The following STXBP6 variants were observed in gnomAD, a reference collection of about 807,000 sequenced individuals.
STXBP6 encodes syntaxin-binding protein 6.
In STXBP6, 21 loss-of-function variants were observed where a neutral mutation model predicts 26.9. The observed-to-expected ratio is 0.78, with a 90% CI of 0.55 to 1.12. The LOEUF is 1.12. STXBP6 is among the 50% of genes most tolerant of loss of function. The pLI is 0.00. For synonymous variants in STXBP6, 97 were observed against 92.6 expected, an observed-to-expected ratio of 1.05 and a Z score of -0.27; for missense variants, 232 against 257.9, an observed-to-expected ratio of 0.90 and a Z score of 0.69.
chr14:24,866,702 G>A (rs760244978), intron 2 of STXBP6, among the ~76,000 whole-genome samples: 3 of 151,566 alleles, frequency 2.0e-5, no homozygotes, highest in Non-Finnish European at 4.4e-5. Flanking sequence ...ACTTAATGTT[G>A]TTAAGATGGC....
At chr14:25,010,075 T>C (rs188994663) in intron 1 of STXBP6, among the ~76,000 whole-genome samples, 133 of 152,338 alleles carry the variant, frequency 8.7e-4, no homozygotes, top group African/African-American at 3.1e-3. Context: ...TCATTCCTCT[T>C]TGGGAATCAC....
At chr14:24,972,076 T>A in intron 2 of STXBP6, among the ~76,000 whole-genome samples, 1 of 152,212 alleles carries the variant, frequency 6.6e-6, no homozygotes, top group East Asian at 1.9e-4. Context: ...TGCAAAAATC[T>A]TGGGTGTCAA....
At chr14:24,869,007 T>C (rs2069827612) in intron 2 of STXBP6, among the ~76,000 whole-genome samples, 1 of 152,246 alleles carries the variant, frequency 6.6e-6, no homozygotes, top group African/African-American at 2.4e-5. Flanking sequence ...ATGTGCTATC[T>C]CATCTATCAG....
At chr14:24,873,364 GGA>G (rs2070012653) in intron 2 of STXBP6, among the ~76,000 whole-genome samples, 1 of 152,128 alleles carries the variant, frequency 6.6e-6, no homozygotes, top group Non-Finnish European at 1.5e-5. Flanking sequence ...AGAAGAGCCA[GGA>G]CAGTTTTCAG....
At chr14:24,942,834 C>T (rs568121471) in intron 2 of STXBP6, among the ~76,000 whole-genome samples, 15 of 152,256 alleles carry the variant, frequency 9.9e-5, no homozygotes, top group East Asian at 7.7e-4. Context: ...AAACTGATAG[C>T]TATGTAGCAG....
chr14:24,947,916 A>G (rs1181567110), intron 2 of STXBP6, among the ~76,000 whole-genome samples: 2 of 152,192 alleles, frequency 1.3e-5, no homozygotes, highest in Non-Finnish European at 2.9e-5. Flanking sequence ...TTCTACACAG[A>G]TTGATTTCTG....
At chr14:24,944,421 C>A (rs1392452283) in intron 2 of STXBP6, among the ~76,000 whole-genome samples, 2 of 152,134 alleles carry the variant, frequency 1.3e-5, no homozygotes, top group African/African-American at 4.8e-5. Context: ...GCCCTTACCC[C>A]ATCAGACACA....
intron 2 of STXBP6, among the ~76,000 whole-genome samples, chr14:24,906,622 A>G (rs2071394758): frequency 6.6e-6 from 1 of 152,226 alleles, no homozygotes; most frequent in Admixed American, 6.5e-5. Flanking sequence ...AGAATGCGAC[A>G]TGCATAACAA....
At position 24,886,561 on chromosome 14, in the gene STXBP6, T is replaced by C. The variant is rs563065319; in HGVS notation, c.155-29404A>G. ...CTACAATTCAGATGACATGTTCTTG[T>C]TATTTTATTCTGGAATTTGGTAGTA... On this transcript the variant is annotated intron_variant, in intron 2 of 5. Coordinates refer to ENST00000323944, the MANE Select transcript of STXBP6 (RefSeq NM_001394410.1). Among the ~76,000 whole-genome samples, 200 of 152,324 alleles carry C rather than the reference T, an allele frequency of 1.3e-3. 1 individual carries two copies. The highest frequency in any genetic ancestry group is 2.3e-3 in the Non-Finnish European group (157 of 68,026).
chr14:24,902,319 T>C (rs8018441), intron 2 of STXBP6, among the ~76,000 whole-genome samples: 21,666 of 152,112 alleles, frequency 0.14, 2,246 homozygotes, highest in African/African-American at 0.29. Flanking sequence ...GCTGTAGTAA[T>C]ATTTGCCATA....
intron 4 of STXBP6, among the ~76,000 whole-genome samples, chr14:24,835,701 A>G (rs2138962154): frequency 6.6e-6 from 1 of 152,354 alleles, no homozygotes; most frequent in Admixed American, 6.5e-5. Flanking sequence ...ATCAAGTCTA[A>G]TTTTGTGGTT....
At chr14:24,983,705 A>G (rs1293265046) in intron 1 of STXBP6, among the ~76,000 whole-genome samples, 1 of 152,230 alleles carries the variant, frequency 6.6e-6, no homozygotes, top group East Asian at 1.9e-4. Flanking sequence ...TCCAGCAAGC[A>G]TAACATGAGC....
At chr14:24,817,053 G>C (rs1184070737) in intron 5 of STXBP6, 2 of 152,162 alleles carry the variant, frequency 1.3e-5, no homozygotes, top group Non-Finnish European at 2.9e-5. Context: ...ATAAAGAATA[G>C]TGCTCTATTC....
chr14:24,994,355 G>A (rs2074547100), intron 1 of STXBP6, among the ~76,000 whole-genome samples: 1 of 152,064 alleles, frequency 6.6e-6, no homozygotes. Context: ...GTTTGATAAG[G>A]CTCTCAGGGT....
At chr14:24,954,993 T>A (rs1316838905) in intron 2 of STXBP6, among the ~76,000 whole-genome samples, 2 of 152,202 alleles carry the variant, frequency 1.3e-5, no homozygotes, top group Admixed American at 6.5e-5. Context: ...GGAGGTAACA[T>A]GCATCCATGC....
At chr14:24,980,028 G>C (rs1357687798) in intron 1 of STXBP6, among the ~76,000 whole-genome samples, 1 of 152,130 alleles carries the variant, frequency 6.6e-6, no homozygotes, top group Non-Finnish European at 1.5e-5. Context: ...AGACAATTTT[G>C]TAAATGTTAA....
chr14:24,913,515 C>T (rs979152683), intron 2 of STXBP6, among the ~76,000 whole-genome samples: 2 of 152,030 alleles, frequency 1.3e-5, no homozygotes, highest in African/African-American at 4.8e-5. Flanking sequence ...ACAACAACAA[C>T]AAAGAATGGG....
chr14:25,007,775 G>C (rs549733324), intron 1 of STXBP6, among the ~76,000 whole-genome samples: 2 of 152,172 alleles, frequency 1.3e-5, no homozygotes, highest in African/African-American at 4.8e-5. Context: ...AATTATTCCT[G>C]CAAAGTTCCA....
chr14:24,934,146 C>T (rs572531356), intron 2 of STXBP6, among the ~76,000 whole-genome samples: 1 of 152,110 alleles, frequency 6.6e-6, no homozygotes, highest in Non-Finnish European at 1.5e-5. Flanking sequence ...AATATTAAGA[C>T]ACATGATAGA....
Sources: allele counts gnomAD v4.1 joint callset (sites outside exome capture counted in the v4.1 genomes callset), GRCh38; gene constraint gnomAD v4.1.1; transcripts MANE v1.5; gene names NCBI Gene and HGNC (gene_info 2026-07-23, HGNC 2026-07-21).